Variants in FAM135A observed in about 807,000 individuals in gnomAD.
FAM135A encodes the protein protein FAM135A.
Under a neutral mutation model 146.8 loss-of-function variants are expected in FAM135A, and 79 were observed. That is an observed-to-expected ratio of 0.54 (90% CI 0.45 to 0.65). The LOEUF is 0.65. FAM135A is among the 30% of genes least tolerant of loss of function. The pLI, the probability that FAM135A is intolerant of heterozygous loss-of-function variation, is 0.00. For synonymous variants in FAM135A, 562 were observed against 603.6 expected (o/e 0.93, Z 1.01); for missense variants, 1,623 against 1,758.2 (o/e 0.92, Z 1.38).
Position 70,525,708 on chromosome 6 carries a change from G to A in FAM135A, c.2624G>A (p.Gly875Glu). 1 of 1,612,724 alleles carries A rather than the reference G, an allele frequency of 6.2e-7. No homozygotes were observed. Among genetic ancestry groups the A allele is most frequent in the Non-Finnish European group, 8.5e-7 (1 of 1,179,510 alleles). Residue 875 changes from glycine (G) to glutamate (E), a missense_variant, in exon 15 of 22, where the codon GGA (glycine) becomes GAA (glutamate). Coordinates refer to ENST00000418814, the MANE Select transcript of FAM135A (RefSeq NM_001162529.3). ...LNDSKTVLNL[G>E]TTDLPKCDDT... Reference sequence around the variant, plus strand: ...GATAGCAAAACTGTATTAAATCTAGGAACGACTGATTTGCCAAAATGTGAT... The same window carrying A: ...GATAGCAAAACTGTATTAAATCTAGAAACGACTGATTTGCCAAAATGTGAT...
intron 15 of FAM135A, 95 bp from the exon 16 acceptor site, chr6:70,528,194 ATTG>A (rs1177124086): frequency 8.5e-7 from 1 of 1,183,098 alleles, no homozygotes; most frequent in African/African-American, 1.5e-5. Flanking sequence ...AAAACCAAAT[ATTG>A]TTGGGTTTCC....
At chr6:70,491,678 G>A (rs1786009029) in intron 11 of FAM135A, among the ~76,000 whole-genome samples, 1 of 151,832 alleles carries the variant, frequency 6.6e-6, no homozygotes, top group Non-Finnish European at 1.5e-5. Context: ...GACTAGACCT[G>A]TTCAAAAAGG....
intron 20 of FAM135A, among the ~76,000 whole-genome samples, chr6:70,549,224 T>G (rs953110029): frequency 2.6e-5 from 4 of 152,246 alleles, no homozygotes; most frequent in Admixed American, 1.3e-4. Flanking sequence ...CTCTCCCTTC[T>G]GAAGTGGAAT....
intron 7 of FAM135A, among the ~76,000 whole-genome samples, 153 bp from the exon 8 acceptor site, chr6:70,477,006 C>T (rs906301531): frequency 6.6e-6 from 1 of 152,062 alleles, no homozygotes; most frequent in African/African-American, 2.4e-5. Context: ...TTTCATATTG[C>T]TTCTAATGCA....
chr6:70,450,713 G>GTTTTTTTTTTTTTTTTTTTTTTTT (rs1192559967), intron 4 of FAM135A, among the ~76,000 whole-genome samples: 1 of 29,780 alleles, frequency 3.4e-5, no homozygotes, highest in Admixed American at 4.4e-4. Flanking sequence ...GACCCTTTTA[G>GTTTTTTTTTTTTTTTTTTTTTTTT]TTGTTTTTTT....
intron 11 of FAM135A, among the ~76,000 whole-genome samples, chr6:70,498,383 C>T (rs560700596): frequency 5.9e-5 from 9 of 151,558 alleles, no homozygotes; most frequent in East Asian, 1.9e-4. Context: ...TTATTAGTCT[C>T]GCTAGTGGTC....
chr6:70,557,066 C>T, intron 21 of FAM135A: 1 of 572,944 alleles, frequency 1.7e-6, no homozygotes. Context: ...ATACTTTCAT[C>T]TAATTACAAA....
chr6:70,424,544 A>G (rs534388549), intron 2 of FAM135A, among the ~76,000 whole-genome samples: 20 of 152,302 alleles, frequency 1.3e-4, no homozygotes, highest in South Asian at 1.0e-3. Flanking sequence ...AACAACAAGT[A>G]TTGGTGGGAT....
At chr6:70,509,283 T>G (rs766967849) in intron 12 of FAM135A, among the ~76,000 whole-genome samples, 5 of 152,054 alleles carry the variant, frequency 3.3e-5, no homozygotes, top group Non-Finnish European at 5.9e-5. Context: ...AAAAAAAAAT[T>G]ATGTCTTTCC....
chr6:70,450,145 A>G (rs1234581704), intron 4 of FAM135A, among the ~76,000 whole-genome samples: 1 of 152,000 alleles, frequency 6.6e-6, no homozygotes, highest in Non-Finnish European at 1.5e-5. Context: ...TTCCTTGTGT[A>G]TTTTGGATAT....
rs185677137 is a variant in FAM135A, at chr6:70,418,550, G to A, written c.-134+3174G>A. 284 of 152,366 alleles carry A rather than the reference G, an allele frequency of 1.9e-3. 1 individual carries two copies. Among genetic ancestry groups the A allele is most frequent in the Middle Eastern group, 0.017 (5 of 296 alleles). The allele number at this position is 152,366 out of a possible 1,614,324, so 9.4% of individuals were successfully genotyped here. On this transcript the variant is annotated intron_variant, in intron 2 of 21. Coordinates refer to ENST00000418814, the MANE Select transcript of FAM135A (RefSeq NM_001162529.3). ...TCGCTATGTTGGCCAGGCTGGTCTC[G>A]AACTCCTGACCGCAGGTGATCCACC...
chr6:70,504,005 G>C (rs1034271910), intron 12 of FAM135A: 19 of 152,108 alleles, frequency 1.2e-4, no homozygotes, highest in African/African-American at 4.3e-4. Context: ...ACTTACCTGT[G>C]AGGCAAATTG....
intron 1 of FAM135A, among the ~76,000 whole-genome samples, chr6:70,414,765 CTTTAATT>C (rs1767174247): frequency 6.6e-6 from 1 of 152,114 alleles, no homozygotes. Flanking sequence ...CTGATTAAAG[CTTTAATT>C]TTTAAGAATT....
intron 4 of FAM135A, among the ~76,000 whole-genome samples, chr6:70,438,659 G>A (rs1773764433): frequency 6.6e-6 from 1 of 152,166 alleles, no homozygotes; most frequent in Non-Finnish European, 1.5e-5. Context: ...GGATTCACGA[G>A]AAGCTGTAAA....
intron 20 of FAM135A, among the ~76,000 whole-genome samples, chr6:70,539,545 T>A (rs1332369248): frequency 6.6e-6 from 1 of 152,158 alleles, no homozygotes; most frequent in East Asian, 1.9e-4. Flanking sequence ...CCACCTAAAG[T>A]AAGGAAAATA....
At chr6:70,449,138 A>AT (rs917586304) in intron 4 of FAM135A, among the ~76,000 whole-genome samples, 1 of 151,994 alleles carries the variant, frequency 6.6e-6, no homozygotes, top group South Asian at 2.1e-4. Context: ...ATATTTTAAA[A>AT]TTTTTTTTGA....
chr6:70,536,226 C>A, intron 18 of FAM135A, 34 bp from the exon 19 acceptor site: 2 of 1,554,644 alleles, frequency 1.3e-6, no homozygotes, highest in Admixed American at 3.9e-5. Flanking sequence ...AAAACTAATG[C>A]TGTGAGAAAA....
chr6:70,527,062 A>G (rs1418770797), intron 15 of FAM135A, among the ~76,000 whole-genome samples: 2 of 151,906 alleles, frequency 1.3e-5, no homozygotes, highest in East Asian at 3.9e-4. Context: ...CCCTTTTTTC[A>G]TCAGTCCCTC....
In FAM135A at chr6:70,538,390, G is replaced by A. The variant is rs747394592; in HGVS notation, c.4217G>A (p.Ser1406Asn). 8.8e-6 allele frequency: 13 copies of A among 1,483,294 alleles called. No homozygotes were observed. Among genetic ancestry groups the A allele is most frequent in the South Asian group, 5.8e-5 (4 of 68,894 alleles). 91.9% of individuals were successfully genotyped at this position (1,483,294 alleles called of 1,614,324 possible). Residue 1406 changes from serine to asparagine, a missense_variant, in exon 20 of 22, where the codon AGT becomes AAT. Transcript: ENST00000418814. The stretch of plus-strand genomic sequence containing the variant: ...CGCCAAACTTTTTTATATAAGCTTA[G>A]TAACAAAGCAGGTAAGTATATAATA... ...DPRQTFLYKLSNKAGLHYFKN... is the reference protein window; with the variant it reads ...DPRQTFLYKLNNKAGLHYFKN...
Sources: gnomAD v4.1 joint callset for allele counts (sites outside exome capture counted in the v4.1 genomes callset) on GRCh38, gnomAD v4.1.1 for gene constraint, MANE v1.5 for transcripts, NCBI Gene and HGNC (gene_info 2026-07-23, HGNC 2026-07-21) for gene names.